USP22: variants seen among roughly 807,000 people sequenced by gnomAD.
The protein encoded by USP22 is ubiquitin carboxyl-terminal hydrolase 22.
A neutral mutation model predicts 68.1 loss-of-function variants in USP22; 22 were observed. The observed-to-expected ratio is 0.32, with a 90% CI of 0.23 to 0.46. The LOEUF is 0.46. Among genes scored for constraint, USP22 ranks in the 20% least tolerant of loss-of-function variants. USP22 has a pLI of 1.00. For missense variants in USP22, 433 were observed against 695.8 expected, an observed-to-expected ratio of 0.62 and a Z score of 4.25; for synonymous variants, 279 against 274.2, an observed-to-expected ratio of 1.02 and a Z score of -0.17.
chr17:21,039,353 G>A (rs961101936), intron 1 of USP22, among the ~76,000 whole-genome samples: 13 of 151,274 alleles, frequency 8.6e-5, no homozygotes, highest in African/African-American at 2.9e-4. Flanking sequence ...CAAGATGGGC[G>A]GATCACCTGA....
At chr17:21,042,394 A>C in intron 1 of USP22, 4 of 175,390 alleles carry the variant, frequency 2.3e-5, no homozygotes, top group Non-Finnish European at 3.3e-5. Context: ...GGGAGGGGAC[A>C]GAGAGGAGGG....
intron 1 of USP22, among the ~76,000 whole-genome samples, chr17:21,029,371 C>T (rs866206302): frequency 1.3e-5 from 2 of 152,086 alleles, no homozygotes; most frequent in Admixed American, 1.3e-4. Flanking sequence ...TAAAAGAATC[C>T]GTAAGTCCAG....
intron 10 of USP22, 96 bp from the exon 11 acceptor site, chr17:21,005,086 T>A: frequency 1.5e-6 from 2 of 1,361,242 alleles, no homozygotes; most frequent in Middle Eastern, 1.9e-4. Context: ...AGCTTGACCA[T>A]GCAGATGCTG....
intron 1 of USP22, 85 bp downstream of exon 1, chr17:21,042,580 G>C: frequency 8.2e-7 from 1 of 1,226,068 alleles, no homozygotes; most frequent in Non-Finnish European, 1.0e-6. Flanking sequence ...GAAGGGAAGA[G>C]GGCAGGAAAA....
intron 8 of USP22, among the ~76,000 whole-genome samples, 169 bp from the exon 9 acceptor site, chr17:21,008,165 C>T (rs548711941): frequency 1.3e-5 from 2 of 152,312 alleles, no homozygotes; most frequent in East Asian, 3.9e-4. Context: ...TCCACCTTTG[C>T]TGCCTGTCTC....
chr17:21,034,083 C>T (rs566915818), intron 1 of USP22, among the ~76,000 whole-genome samples: 21 of 151,942 alleles, frequency 1.4e-4, no homozygotes, highest in South Asian at 4.1e-4. Flanking sequence ...AAAAAAAATA[C>T]GGCACTAAAA....
chr17:21,020,142 A>G (rs1309144938), intron 3 of USP22, among the ~76,000 whole-genome samples: 2 of 149,696 alleles, frequency 1.3e-5, no homozygotes, highest in Non-Finnish European at 3.0e-5. Context: ...TGGCTTTGCT[A>G]CCAGGGAGAT....
chr17:21,032,374 G>A (rs1156417329), intron 1 of USP22, among the ~76,000 whole-genome samples: 1 of 152,180 alleles, frequency 6.6e-6, no homozygotes, highest in Non-Finnish European at 1.5e-5. Context: ...GGAACAGCAC[G>A]TCCATTGATA....
chr17:21,018,873 G>C (rs1250608878), intron 4 of USP22, among the ~76,000 whole-genome samples: 1 of 152,216 alleles, frequency 6.6e-6, no homozygotes, highest in East Asian at 1.9e-4. Context: ...TGTGAGGGCA[G>C]GGCTGTTGCT....
At chr17:21,028,786 G>T (rs1226967930) in intron 1 of USP22, 112 bp from the exon 2 acceptor site, 4 of 1,343,058 alleles carry the variant, frequency 3.0e-6, no homozygotes, top group Non-Finnish European at 2.0e-6. Context: ...AAAGGACAGG[G>T]AATTCCATCT....
chr17:21,027,223 G>C (rs929590618), intron 2 of USP22, among the ~76,000 whole-genome samples: 4 of 144,234 alleles, frequency 2.8e-5, no homozygotes, highest in East Asian at 2.1e-4. Context: ...AGGAGGTCAA[G>C]GCCGCAGCGA....
chr17:21,020,706 G>A (rs953389427), intron 3 of USP22, among the ~76,000 whole-genome samples: 2 of 152,206 alleles, frequency 1.3e-5, no homozygotes, highest in Admixed American at 6.5e-5. Flanking sequence ...CAGAGCTGAG[G>A]GCAAACCACT....
intron 1 of USP22, among the ~76,000 whole-genome samples, chr17:21,035,759 G>A (rs1050277970): frequency 1.3e-5 from 2 of 151,968 alleles, no homozygotes; most frequent in South Asian, 2.1e-4. Context: ...GGCTGGGCGC[G>A]GTGGCTCACG....
chr17:21,026,527 T>G (rs1972221790), intron 2 of USP22, among the ~76,000 whole-genome samples: 1 of 151,998 alleles, frequency 6.6e-6, no homozygotes, highest in Non-Finnish European at 1.5e-5. Context: ...TTTCACCATG[T>G]TGTCCAGACT....
chr17:21,019,103 G>A lies in USP22; in HGVS notation c.501C>T (p.Ile167=), dbSNP rs1291356097. ...ACCCACCTATGGTGCAGTTCGAGGT[G>A]ATCTTTCTCCTTTTCGGGTTGTGCT... The part of the protein sequence containing the change: ...LLKHNPKRRK[I]TSNCTIGLRG... Residue 167 remains isoleucine, a synonymous_variant, in exon 4 of 13, where the codon ATC becomes ATT. Transcript: ENST00000261497. 1 of 1,614,156 alleles carries A rather than the reference G, an allele frequency of 6.2e-7. No individual in the cohort carries two copies. The highest frequency in any genetic ancestry group is 1.1e-5 in the South Asian group (1 of 91,076).
intron 7 of USP22, chr17:21,011,639 G>T (rs543733554): frequency 4.9e-5 from 15 of 304,878 alleles, no homozygotes; most frequent in African/African-American, 2.7e-4. Context: ...TGAATCCACA[G>T]GTCTATCTCA....
Position 21,004,207 on chromosome 17 carries a change from G to A in USP22, c.1530C>T (p.Ser510=), listed in dbSNP as rs753832941. 2.8e-5 allele frequency: 45 copies of A among 1,613,908 alleles called. No homozygotes were observed. Among genetic ancestry groups the A allele is most frequent in the African/African-American group, 4.0e-5 (3 of 74,908 alleles). The change falls in exon 12 of 13, where the codon AGC becomes AGT. Residue 510 remains serine (S), a synonymous_variant. Coordinates refer to ENST00000261497, the MANE Select transcript of USP22 (RefSeq NM_015276.2). Reference sequence around the variant, plus strand: ...TCCCACCCCACAGGACGCACCCTTCGCTGTCCAGGACGTCCTTGATGCTGG... The same window carrying A: ...TCCCACCCCACAGGACGCACCCTTCACTGTCCAGGACGTCCTTGATGCTGG... ...TKASIKDVLD[S]EGYLLFYHKQ... is the part of the protein sequence containing the mutation.
intron 10 of USP22, 192 bp downstream of exon 10, chr17:21,006,704 C>T: frequency 5.8e-6 from 2 of 343,824 alleles, no homozygotes; most frequent in African/African-American, 2.1e-5. Flanking sequence ...GGGGTTTCAC[C>T]ATGTTGGCCA....
intron 1 of USP22, among the ~76,000 whole-genome samples, chr17:21,041,847 C>T (rs1202203892): frequency 6.6e-6 from 1 of 152,250 alleles, no homozygotes; most frequent in Non-Finnish European, 1.5e-5. Flanking sequence ...ACTGGGCTCC[C>T]CGAGGGGACT....
Sources: allele counts gnomAD v4.1 joint callset (sites outside exome capture counted in the v4.1 genomes callset), GRCh38; gene constraint gnomAD v4.1.1; transcripts MANE v1.5; gene names NCBI Gene and HGNC (gene_info 2026-07-23, HGNC 2026-07-21).